KANSL1L: variants seen among roughly 807,000 people sequenced by gnomAD.
KANSL1L encodes KAT8 regulatory NSL complex subunit 1-like protein.
KANSL1L carries 25 observed loss-of-function variants against 108.6 expected under a neutral mutation model. The observed-to-expected ratio is 0.23, with a 90% confidence interval of 0.17 to 0.32. KANSL1L has a LOEUF of 0.32. Ranked by LOEUF, KANSL1L falls within the 10% of genes least tolerant of loss-of-function variation. The pLI is 1.00. For missense variants in KANSL1L, 1,137 were observed against 1,125.7 expected (o/e 1.01, Z -0.14); for synonymous variants, 405 against 395.1 (o/e 1.03, Z -0.30).
intron 5 of KANSL1L, 180 bp downstream of exon 5, chr2:210,097,906 A>G (rs983052522): frequency 2.8e-6 from 1 of 362,444 alleles, no homozygotes; most frequent in African/African-American, 2.2e-5. Flanking sequence ...ATTTATCATT[A>G]CCTTAATTGT....
Position 210,022,814 on chromosome 2 carries a change from C to A in KANSL1L, c.*135G>T. 1 of 659,608 alleles carries A rather than the reference C, an allele frequency of 1.5e-6. No individual in the cohort carries two copies. Among genetic ancestry groups the A allele is most frequent in the Non-Finnish European group, 2.6e-6 (1 of 387,122 alleles). The allele number at this position is 659,608 out of a possible 1,614,324, so 40.9% of individuals were successfully genotyped here. On this transcript the variant is annotated 3_prime_UTR_variant, in exon 15 of 15. Transcript: ENST00000281772. ...AGAAGGAAAAACAGACTTATCTTGC[C>A]TGTTTCATAAACAGCATAAAAGATT...
chr2:210,171,520 G>A (rs189672068), upstream of KANSL1L: 1,613 of 153,570 alleles, frequency 0.011, 32 homozygotes, highest in African/African-American at 0.034. Context: ...GCCTGCAGAA[G>A]CGGCTCGGAG....
chr2:210,064,872 C>T (rs1262372051), intron 6 of KANSL1L, among the ~76,000 whole-genome samples: 1 of 139,736 alleles, frequency 7.2e-6, no homozygotes, highest in African/African-American at 2.7e-5. Context: ...CACTTCCTTA[C>T]AAAAAAGTGG....
At chr2:210,159,526 T>C (rs920870969) in intron 1 of KANSL1L, among the ~76,000 whole-genome samples, 1 of 152,180 alleles carries the variant, frequency 6.6e-6, no homozygotes, top group Non-Finnish European at 1.5e-5. Flanking sequence ...AATGATCTAA[T>C]CTCCAGCACT....
At chr2:210,162,914 AGCCTC>A (rs373035386) in intron 1 of KANSL1L, among the ~76,000 whole-genome samples, 2 of 152,338 alleles carry the variant, frequency 1.3e-5, no homozygotes, top group Non-Finnish European at 2.9e-5. Flanking sequence ...CAACTCCAGC[AGCCTC>A]TAGCCATTCT....
In KANSL1L at chr2:210,083,128, A is replaced by G. The variant is rs191028223; in HGVS notation, c.1551-7372T>C. Among the ~76,000 whole-genome samples, 18 of 152,310 alleles carry G rather than the reference A, an allele frequency of 1.2e-4. 2 individuals carry two copies. The East Asian group carries it at 3.5e-3, about 29-fold the overall frequency. ...GTTTGGAGTGATGTGTGTATGTCTT[A>G]CAAGGAAAGTCAAGGAACTGCAGGC... On this transcript the variant is annotated intron_variant, in intron 5 of 14. Coordinates refer to ENST00000281772, the MANE Select transcript of KANSL1L (RefSeq NM_152519.4).
intron 6 of KANSL1L, among the ~76,000 whole-genome samples, chr2:210,057,932 A>C (rs1311679603): frequency 6.6e-6 from 1 of 152,142 alleles, no homozygotes; most frequent in South Asian, 2.1e-4. Flanking sequence ...GATTGCATTA[A>C]CTGCACAAAT....
At chr2:210,169,761 AAAGAT>A (rs1284304007) in intron 1 of KANSL1L, among the ~76,000 whole-genome samples, 1 of 152,240 alleles carries the variant, frequency 6.6e-6, no homozygotes, top group Non-Finnish European at 1.5e-5. Flanking sequence ...AGGGAGAACC[AAAGAT>A]AATGGTTACA....
chr2:210,065,605 A>G (rs1411417276), intron 6 of KANSL1L, among the ~76,000 whole-genome samples: 2 of 52,926 alleles, frequency 3.8e-5, no homozygotes, highest in South Asian at 5.8e-4. Context: ...TTTTTTTTTG[A>G]TACAGAGTTT....
At chr2:210,145,180 G>C (rs529408470) in intron 2 of KANSL1L, among the ~76,000 whole-genome samples, 33 of 152,272 alleles carry the variant, frequency 2.2e-4, no homozygotes, top group Non-Finnish European at 3.4e-4. Flanking sequence ...TGGTGGGGTC[G>C]GTCCTCCTCA....
rs754817765 is a variant in KANSL1L at position 210,154,586 on chromosome 2, G to T, written c.-4C>A. 2.0e-6 allele frequency: 3 copies of T among 1,472,200 alleles called. No individual in the cohort carries two copies. In the Admixed American group the frequency reaches 7.2e-5, roughly 36 times the overall value. 91.2% of individuals were successfully genotyped at this position (1,472,200 alleles called of 1,614,324 possible). On this transcript the variant is annotated 5_prime_UTR_variant, in exon 2 of 15. Coordinates refer to ENST00000281772, the MANE Select transcript of KANSL1L (RefSeq NM_152519.4). ...CCTCCCTCAGAGCTGGGGTCATGGCGATTCCTGTAGATAAGTATTGGAAAC... is the reference window on the plus strand; with the variant it reads ...CCTCCCTCAGAGCTGGGGTCATGGCTATTCCTGTAGATAAGTATTGGAAAC...
intron 5 of KANSL1L, among the ~76,000 whole-genome samples, chr2:210,077,530 C>G (rs1475546456): frequency 6.6e-6 from 1 of 152,014 alleles, no homozygotes; most frequent in Non-Finnish European, 1.5e-5. Context: ...AAGAAGAAGA[C>G]AGGTTTCAGT....
intron 6 of KANSL1L, among the ~76,000 whole-genome samples, chr2:210,074,438 T>G (rs561326757): frequency 2.0e-5 from 3 of 152,324 alleles, no homozygotes; most frequent in African/African-American, 7.2e-5. Flanking sequence ...GAATCAGATT[T>G]ACTGCCTCAG....
chr2:210,154,749 A>G (rs962575496), intron 1 of KANSL1L, 138 bp from the exon 2 acceptor site: 3 of 443,718 alleles, frequency 6.8e-6, no homozygotes, highest in Admixed American at 4.1e-5. Flanking sequence ...CCAACTCCCA[A>G]CATTATTTCA....
intron 3 of KANSL1L, among the ~76,000 whole-genome samples, chr2:210,106,866 A>C (rs1289633297): frequency 6.6e-6 from 1 of 151,986 alleles, no homozygotes; most frequent in Non-Finnish European, 1.5e-5. Flanking sequence ...AAACTGTTGG[A>C]GTGTGAGGAG....
intron 2 of KANSL1L, among the ~76,000 whole-genome samples, chr2:210,131,640 A>T (rs1444831272): frequency 6.6e-6 from 1 of 152,164 alleles, no homozygotes; most frequent in Admixed American, 6.5e-5. Context: ...ATAGAAAAAT[A>T]GCAATACCAG....
At chr2:210,168,362 A>C (rs1017118681) in intron 1 of KANSL1L, among the ~76,000 whole-genome samples, 1 of 152,094 alleles carries the variant, frequency 6.6e-6, no homozygotes, top group Admixed American at 6.5e-5. Flanking sequence ...GAATACATGA[A>C]AAACATCATG....
intron 3 of KANSL1L, among the ~76,000 whole-genome samples, chr2:210,117,209 G>GA (rs940443998): frequency 6.6e-6 from 1 of 151,694 alleles, no homozygotes; most frequent in African/African-American, 2.4e-5. Context: ...AGAGACAAAA[G>GA]AAAAAAGAAT....
intron 2 of KANSL1L, among the ~76,000 whole-genome samples, chr2:210,144,054 T>C (rs887753222): frequency 6.6e-6 from 1 of 152,148 alleles, no homozygotes; most frequent in African/African-American, 2.4e-5. Flanking sequence ...TCTGGAAAAG[T>C]CTTCTCTCTC....
Sources: allele counts gnomAD v4.1 joint callset (sites outside exome capture counted in the v4.1 genomes callset), GRCh38; gene constraint gnomAD v4.1.1; transcripts MANE v1.5; gene names NCBI Gene and HGNC (gene_info 2026-07-23, HGNC 2026-07-21).